NAPRT: variants seen among roughly 807,000 people sequenced by gnomAD.
NAPRT encodes the protein FHA-HIT-interacting protein.
In NAPRT, 66 loss-of-function variants were observed where a neutral mutation model predicts 60.7. The observed-to-expected ratio is 1.09, with a 90% confidence interval of 0.89 to 1.33. NAPRT has a LOEUF of 1.33. Among genes scored for constraint, NAPRT ranks in the 40% most tolerant of loss-of-function variants. The pLI is 0.00. For synonymous variants in NAPRT, 405 were observed against 335.7 expected, an observed-to-expected ratio of 1.21 and a Z score of -2.26; for missense variants, 818 against 731.5, an observed-to-expected ratio of 1.12 and a Z score of -1.36.
chr8:143,574,705 C>A, downstream of NAPRT: 2 of 1,085,644 alleles, frequency 1.8e-6, no homozygotes, highest in South Asian at 1.4e-5. Flanking sequence ...GCTCAGATTC[C>A]CGACTCCAGC....
rs372617353 is a variant in NAPRT at position 143,577,719 on chromosome 8, G to A, written c.375C>T (p.Ser125=). The A allele has an allele frequency of 1.4e-5, 21 of 1,547,328 alleles. No individual in the cohort carries two copies. Among genetic ancestry groups the A allele is most frequent in the African/African-American group, 5.5e-5 (4 of 73,246 alleles). The stretch of plus-strand genomic sequence containing the variant: ...GCAGCTGCACCACCAGGAGCGGCCC[G>A]GACACCTGCAGGAGCGGCACCTGCG... ...AFPGVPLLQV[S]GPLLVVQLLE... Residue 125 remains serine (S), a synonymous_variant, in exon 3 of 13, where the codon TCC becomes TCT. Transcript: ENST00000449291.
Position 143,576,694 on chromosome 8 carries a change from G to A in NAPRT, c.833C>T (p.Ala278Val). The change falls in exon 6 of 13, where the codon GCT (alanine) becomes GTT (valine). Residue 278 changes from alanine to valine, a missense_variant. Coordinates refer to ENST00000449291, the MANE Select transcript of NAPRT (RefSeq NM_145201.6). ...GAGGCCCTGGAAGGCCCGGGGAAAAGCCAAGGCATAGGCCACAAAGGCTGC... is the reference window on the plus strand; with the variant it reads ...GAGGCCCTGGAAGGCCCGGGGAAAAACCAAGGCATAGGCCACAAAGGCTGC... ...ERAAFVAYAL[A>V]FPRAFQGLLD... 2 of 1,611,166 alleles carry A rather than the reference G, an allele frequency of 1.2e-6. No individual in the cohort carries two copies. Among genetic ancestry groups the A allele is most frequent in the Non-Finnish European group, 1.7e-6 (2 of 1,179,526 alleles).
intron 8 of NAPRT, 104 bp downstream of exon 8, chr8:143,575,974 C>A (rs1055402791): frequency 2.1e-6 from 2 of 953,680 alleles, no homozygotes; most frequent in Non-Finnish European, 3.1e-6. Context: ...AAGGGGGTGG[C>A]AGTGCCCTGG....
chr8:143,578,113 G>A lies in NAPRT; in HGVS notation c.206C>T (p.Ala69Val), dbSNP rs1483086779. Residue 69 changes from alanine (A) to valine (V), a missense_variant, in exon 1 of 13, where the codon GCC becomes GTC. Ala to Val is a moderately conservative substitution (Grantham distance 64). Coordinates refer to ENST00000449291, the MANE Select transcript of NAPRT (RefSeq NM_145201.6). The stretch of plus-strand genomic sequence containing the variant: ...ACTACCGGCGTCCCGCAGGCGGAAG[G>A]CGCGCAGGAAGCGCACACAGTCGCG... ...GLRDCVRFLRAFRLRDADVQF... is the reference protein window; with the variant it reads ...GLRDCVRFLRVFRLRDADVQF... 1 of 1,526,062 alleles carries A rather than the reference G, an allele frequency of 6.6e-7. No homozygotes were observed. The highest frequency in any genetic ancestry group is 2.2e-5 in the Admixed American group (1 of 46,044). 94.5% of individuals were successfully genotyped at this position (1,526,062 alleles called of 1,614,324 possible).
In NAPRT at chr8:143,574,828, G is replaced by T; in HGVS notation, c.*10C>A. The T allele has an allele frequency of 6.4e-7, 1 of 1,550,666 alleles. No homozygotes were observed. Among genetic ancestry groups the T allele is most frequent in the South Asian group, 1.2e-5 (1 of 84,062 alleles). On this transcript the variant is annotated 3_prime_UTR_variant, in exon 13 of 13. Transcript: ENST00000449291. ...ATTCGTGTTGTTTCCAGTCAGCCCC[G>T]CTCCGAGTCTCAGGGGGACTGCCCC...
rs752533084 is a variant in NAPRT, at chr8:143,577,304, C to T, written c.533G>A (p.Gly178Glu). 9 of 1,606,694 alleles carry T rather than the reference C, an allele frequency of 5.6e-6. No individual in the cohort carries two copies. The highest frequency in any genetic ancestry group is 5.5e-5 in the South Asian group (5 of 90,190). The change falls in exon 4 of 13, where the codon GGG becomes GAG. Residue 178 changes from glycine to glutamate, a missense_variant. Physicochemically the swap from Gly to Glu is moderately conservative, Grantham distance 98. Coordinates refer to ENST00000449291, the MANE Select transcript of NAPRT (RefSeq NM_145201.6). ...MGLRRAQGPD[G>E]GLTASTYSYL... ...GCTGTAGGTGGAGGCTGTCAGGCCCCCATCGGGGCCCTGAGCCCGCCTCAG... is the reference window on the plus strand; with the variant it reads ...GCTGTAGGTGGAGGCTGTCAGGCCCTCATCGGGGCCCTGAGCCCGCCTCAG...
At chr8:143,578,007 T>C in intron 1 of NAPRT, 64 bp from the exon 2 acceptor site, 2 of 1,534,456 alleles carry the variant, frequency 1.3e-6, no homozygotes, top group Non-Finnish European at 1.8e-6. Context: ...ACATGGGGGG[T>C]TCCACGGGGG....
rs373438955 is a variant in NAPRT at position 143,577,276 on chromosome 8, G to A, written c.561C>T (p.Tyr187=). 16 of 1,609,368 alleles carry A rather than the reference G, an allele frequency of 9.9e-6. No homozygotes were observed. In the African/African-American group the frequency reaches 1.7e-4, roughly 17 times the overall value. The change falls in exon 4 of 13, where the codon TAC becomes TAT. Residue 187 remains tyrosine, a synonymous_variant. Coordinates refer to ENST00000449291, the MANE Select transcript of NAPRT (RefSeq NM_145201.6). The part of the protein sequence containing the change: ...DGGLTASTYS[Y]LGGFDSSSNV... ...CCCGCACCAGACACTCACCGCCCAG[G>A]TAGCTGTAGGTGGAGGCTGTCAGGC...
At chr8:143,576,363 G>T (rs1025814908) in intron 7 of NAPRT, 69 bp downstream of exon 7, 2 of 1,543,042 alleles carry the variant, frequency 1.3e-6, no homozygotes, top group South Asian at 1.2e-5. Context: ...GTACCTCACT[G>T]TCCTTCCCTG....
chr8:143,577,986 C>A, intron 1 of NAPRT, 43 bp from the exon 2 acceptor site: 1 of 1,584,412 alleles, frequency 6.3e-7, no homozygotes, highest in Non-Finnish European at 8.6e-7. Flanking sequence ...CGGGGACAGA[C>A]CGGTCGTGGG....
intron 8 of NAPRT, among the ~76,000 whole-genome samples, 184 bp from the exon 9 acceptor site, chr8:143,575,886 G>A (rs1393058501): frequency 2.1e-5 from 3 of 140,014 alleles, no homozygotes; most frequent in Admixed American, 7.0e-5. Flanking sequence ...TGGGTGAAGG[G>A]GGTGGCAGTG....
At chr8:143,574,383 G>A (rs1824271830), downstream of NAPRT, among the ~76,000 whole-genome samples, 1 of 152,206 alleles carries the variant, frequency 6.6e-6, no homozygotes, top group Non-Finnish European at 1.5e-5. Flanking sequence ...CTGAGCCTGG[G>A]GGGCAGTGCC....
Position 143,575,184 on chromosome 8 carries a change from C to T in NAPRT, c.1446+7G>A, listed in dbSNP as rs1336085908. ...GGGGGTCAGGATGAGGGCGGTGGGGCAGCCACCTGTCCCTGCTGGAGGCAG... is the reference window on the plus strand; with the variant it reads ...GGGGGTCAGGATGAGGGCGGTGGGGTAGCCACCTGTCCCTGCTGGAGGCAG... On this transcript the variant is annotated splice_region_variant and intron_variant, in intron 11 of 12. Transcript: ENST00000449291. 1.2e-6 allele frequency: 2 copies of T among 1,603,460 alleles called. No individual in the cohort carries two copies. Among genetic ancestry groups the T allele is most frequent in the Non-Finnish European group, 1.7e-6 (2 of 1,175,460 alleles).
chr8:143,575,041 G>C lies in NAPRT; in HGVS notation c.1499C>G (p.Ser500Cys), dbSNP rs1824329331. Reference sequence around the variant, plus strand: ...GTGCTCAGGGCTGAGTCGGCTCAGGGACAGCTGGGCCAAGGCTCTAGACTC... The same window carrying C: ...GTGCTCAGGGCTGAGTCGGCTCAGGCACAGCTGGGCCAAGGCTCTAGACTC... ...LAESRALAQL[S>C]LSRLSPEHRR... Residue 500 changes from serine (S) to cysteine (C), a missense_variant, in exon 12 of 13, where the codon TCC becomes TGC. Coordinates refer to ENST00000449291, the MANE Select transcript of NAPRT (RefSeq NM_145201.6). The C allele has an allele frequency of 6.6e-7, 1 of 1,508,488 alleles. No individual in the cohort carries two copies. The highest frequency in any genetic ancestry group is 2.1e-5 in the Admixed American group (1 of 47,510). 93.4% of individuals were successfully genotyped at this position (1,508,488 alleles called of 1,614,324 possible).
At position 143,576,509 on chromosome 8, in the gene NAPRT, C is replaced by A; in HGVS notation, c.945G>T (p.Val315=). The A allele has an allele frequency of 6.2e-7, 1 of 1,612,568 alleles. No homozygotes were observed. Among genetic ancestry groups the A allele is most frequent in the Admixed American group, 1.7e-5 (1 of 59,966 alleles). ...GGTCACCACTGTCCAGCCTCACGCCCACTGCCCGGTAGCCCAGCTCTCCCA... is the reference window on the plus strand; with the variant it reads ...GGTCACCACTGTCCAGCCTCACGCCAACTGCCCGGTAGCCCAGCTCTCCCA... ...LALGELGYRA[V]GVRLDSGDLL... is the part of the protein sequence containing the mutation. The change falls in exon 7 of 13, where the codon GTG becomes GTT. Residue 315 remains valine, a synonymous_variant. Transcript: ENST00000449291.
At position 143,577,111 on chromosome 8, in the gene NAPRT, G is replaced by A. The variant is rs536992937; in HGVS notation, c.635C>T (p.Ala212Val). 1 of 1,613,026 alleles carries A rather than the reference G, an allele frequency of 6.2e-7. No individual in the cohort carries two copies. The highest frequency in any genetic ancestry group is 8.5e-7 in the Non-Finnish European group (1 of 1,179,936). The change falls in exon 5 of 13, where the codon GCC becomes GTC. Residue 212 changes from alanine (A) to valine (V), a missense_variant. By Grantham distance (64) the Ala-to-Val change is moderately conservative. Coordinates refer to ENST00000449291, the MANE Select transcript of NAPRT (RefSeq NM_145201.6). ...TGAAAAGGAAGTGACGAAGGAGTGG[G>A]CCAGGGTCCCGGCCACCGGCACACC... The part of the protein sequence containing the change: ...LRGVPVAGTL[A>V]HSFVTSFSGS...
At position 143,576,059 on chromosome 8, in the gene NAPRT, AC is replaced by A; in HGVS notation, c.1107+18del. The A allele has an allele frequency of 6.4e-7, 1 of 1,556,778 alleles. No homozygotes were observed. The highest frequency in any genetic ancestry group is 8.7e-7 in the Non-Finnish European group (1 of 1,148,978). On this transcript the variant is annotated intron_variant, in intron 8 of 12. Coordinates refer to ENST00000449291, the MANE Select transcript of NAPRT (RefSeq NM_145201.6). ...AGAGCCCCCCAGCCACCCTCCGCCTACCCACTCATCCACCCCACCTCCTGGG... is the reference window on the plus strand; with the variant it reads ...AGAGCCCCCCAGCCACCCTCCGCCTACCACTCATCCACCCCACCTCCTGGG...
At chr8:143,578,048 G>T in intron 1 of NAPRT, 45 bp downstream of exon 1, 2 of 1,498,542 alleles carry the variant, frequency 1.3e-6, no homozygotes, top group Admixed American at 2.2e-5. Flanking sequence ...ATAGGTGGGG[G>T]TTTCTGCCGG....
chr8:143,573,627 A>C (rs1410603595), downstream of NAPRT: 2 of 152,212 alleles, frequency 1.3e-5, no homozygotes, highest in Non-Finnish European at 2.9e-5. Flanking sequence ...CAGGCCAATT[A>C]AACCTCTCTT....
Sources: allele counts gnomAD v4.1 joint callset (sites outside exome capture counted in the v4.1 genomes callset), GRCh38; gene constraint gnomAD v4.1.1; transcripts MANE v1.5; gene names NCBI Gene and HGNC (gene_info 2026-07-23, HGNC 2026-07-21).